The following BEND7 variants were observed in gnomAD, a reference collection of about 807,000 sequenced individuals.
BEND7 encodes the protein BEN domain-containing protein 7.
In BEND7, 28 loss-of-function variants were observed where a neutral mutation model predicts 50.9. That is an observed-to-expected ratio of 0.55 (90% confidence interval 0.41 to 0.75). The LOEUF is 0.75. Ranked by LOEUF, BEND7 falls within the 30% of genes least tolerant of loss-of-function variation. The pLI, the probability that BEND7 is intolerant of heterozygous loss-of-function variation, is 0.00. For synonymous variants in BEND7, 170 were observed against 183.9 expected (o/e 0.92, Z 0.61); for missense variants, 477 against 491.3 (o/e 0.97, Z 0.28).
At chr10:13,490,780 GC>G (rs1474484368) in intron 5 of BEND7, among the ~76,000 whole-genome samples, 1 of 152,092 alleles carries the variant, frequency 6.6e-6, no homozygotes, top group Non-Finnish European at 1.5e-5. Context: ...TGGGCCACTT[GC>G]CCAATCCTAT....
At chr10:13,526,054 C>T (rs376015293) in intron 2 of BEND7, 84 bp downstream of exon 2, 2 of 637,396 alleles carry the variant, frequency 3.1e-6, no homozygotes, top group East Asian at 7.3e-5. Context: ...AGACATTTCC[C>T]GTTCCTGAAC....
At chr10:13,465,829 T>C (rs2074190320) in intron 6 of BEND7, among the ~76,000 whole-genome samples, 1 of 152,096 alleles carries the variant, frequency 6.6e-6, no homozygotes, top group South Asian at 2.1e-4. Flanking sequence ...TGAAGAGTCT[T>C]GTTGAATCCC....
intron 5 of BEND7, among the ~76,000 whole-genome samples, chr10:13,485,181 A>G (rs977261192): frequency 6.6e-6 from 1 of 152,180 alleles, no homozygotes; most frequent in African/African-American, 2.4e-5. Flanking sequence ...AAGTAAGACA[A>G]TTTTTAGGAG....
chr10:13,439,839 G>A (rs1835114072), downstream of BEND7, among the ~76,000 whole-genome samples: 1 of 152,224 alleles, frequency 6.6e-6, no homozygotes, highest in South Asian at 2.1e-4. Context: ...GATGCTCCGC[G>A]GCTGCCCGCG....
At chr10:13,477,386 C>T (rs2075531198) in intron 6 of BEND7, among the ~76,000 whole-genome samples, 3 of 152,122 alleles carry the variant, frequency 2.0e-5, no homozygotes, top group African/African-American at 4.8e-5. Flanking sequence ...GTAATAATAG[C>T]AAGGATAGCC....
At chr10:13,464,506 G>A (rs1429427411) in intron 6 of BEND7, among the ~76,000 whole-genome samples, 2 of 152,150 alleles carry the variant, frequency 1.3e-5, no homozygotes, top group Non-Finnish European at 2.9e-5. Flanking sequence ...AAGAATGAAT[G>A]GGAAAGATAC....
chr10:13,452,543 G>A lies in BEND7; in HGVS notation c.1179C>T (p.Gly393=), dbSNP rs1308895980. The A allele has an allele frequency of 1.2e-6, 2 of 1,607,920 alleles. No individual in the cohort carries two copies. Among genetic ancestry groups the A allele is most frequent in the South Asian group, 2.2e-5 (2 of 89,400 alleles). ...IKLARRRLKR[G]SEIADSDERL... is the part of the protein sequence containing the mutation. ...TTTTCTGCACCTTAGTCATACCTGA[G>A]CCTCTTTTTAACCTTCTTCTGGCCA... Residue 393 remains glycine, a synonymous_variant, in exon 7 of 9, where the codon GGC becomes GGT. Coordinates refer to ENST00000466271, the MANE Select transcript of BEND7 (RefSeq NM_001369863.1).
intron 5 of BEND7, among the ~76,000 whole-genome samples, chr10:13,485,109 G>A (rs955182770): frequency 6.6e-6 from 1 of 151,986 alleles, no homozygotes; most frequent in African/African-American, 2.4e-5. Flanking sequence ...CCTCTGCCCC[G>A]TTAGGCTCCC....
intron 7 of BEND7, among the ~76,000 whole-genome samples, chr10:13,447,536 CTTTTT>C (rs11346528): frequency 1.2e-5 from 1 of 86,108 alleles, no homozygotes; most frequent in South Asian, 4.4e-4. Context: ...CGTATTAAAA[CTTTTT>C]TTTTTTTTTT....
At chr10:13,440,648 G>C (rs376096010), downstream of BEND7, among the ~76,000 whole-genome samples, 179 of 152,390 alleles carry the variant, frequency 1.2e-3, 5 homozygotes, top group South Asian at 0.03. Flanking sequence ...CCGGCGAGGA[G>C]TGGCGCCCTC....
chr10:13,514,278 G>A (rs546902623), intron 2 of BEND7, among the ~76,000 whole-genome samples: 1 of 152,142 alleles, frequency 6.6e-6, no homozygotes, highest in South Asian at 2.1e-4. Context: ...TAACAGATAT[G>A]ACGAGAAGAT....
chr10:13,447,236 G>T (rs1396546300), intron 8 of BEND7, 30 bp downstream of exon 8: 3 of 1,610,216 alleles, frequency 1.9e-6, no homozygotes, highest in South Asian at 1.1e-5. Flanking sequence ...TTTCCAGGAG[G>T]TGATGAAAAT....
chr10:13,452,971 G>A (rs977079978), intron 6 of BEND7, among the ~76,000 whole-genome samples: 3 of 152,174 alleles, frequency 2.0e-5, no homozygotes, highest in Non-Finnish European at 4.4e-5. Flanking sequence ...TGCTTCCTAA[G>A]GGTCTACTGA....
intron 2 of BEND7, among the ~76,000 whole-genome samples, chr10:13,508,453 G>A (rs1190361297): frequency 6.6e-6 from 1 of 152,168 alleles, no homozygotes; most frequent in Non-Finnish European, 1.5e-5. Context: ...GAACTCCAAG[G>A]GCTCCACACT....
intron 6 of BEND7, among the ~76,000 whole-genome samples, chr10:13,461,369 C>T (rs1191169517): frequency 1.3e-5 from 2 of 152,118 alleles, no homozygotes; most frequent in Non-Finnish European, 2.9e-5. Context: ...AGGGTCTACC[C>T]CCGAGTACAG....
In BEND7 at chr10:13,505,343, C is replaced by T. The variant is rs573903848; in HGVS notation, c.146-5263G>A. Among the ~76,000 whole-genome samples, 7 of 152,188 alleles carry T rather than the reference C, an allele frequency of 4.6e-5. No individual in the cohort carries two copies. In the East Asian group the frequency reaches 5.8e-4, roughly 13 times the overall value. ...TATGCCACAGTAACTCCCTCTCAGT[C>T]GCTGAGTGACCTCCTGCAACCCCTG... On this transcript the variant is annotated intron_variant, in intron 2 of 8. Coordinates refer to ENST00000466271, the MANE Select transcript of BEND7 (RefSeq NM_001369863.1).
intron 4 of BEND7, among the ~76,000 whole-genome samples, chr10:13,493,767 T>TA (rs1564359787): frequency 6.6e-6 from 1 of 152,210 alleles, no homozygotes; most frequent in Non-Finnish European, 1.5e-5. Context: ...TTGGAAAGTG[T>TA]AATTGGAAAA....
At chr10:13,527,410 T>G (rs1424282018) in intron 1 of BEND7, among the ~76,000 whole-genome samples, 1 of 152,234 alleles carries the variant, frequency 6.6e-6, no homozygotes, top group African/African-American at 2.4e-5. Flanking sequence ...CTAGCTTAGC[T>G]CAGTTTGAAA....
rs189633032 is a variant in BEND7, at chr10:13,518,151, A to C, written c.145+7987T>G. ...TCAATGATTTGGTCATGACCAGTGT[A>C]AGAAAAGTAAAAGACCACAATATAT... is the stretch of plus-strand genomic sequence containing the variant. On this transcript the variant is annotated intron_variant, in intron 2 of 8. Coordinates refer to ENST00000466271, the MANE Select transcript of BEND7 (RefSeq NM_001369863.1). Among the ~76,000 whole-genome samples the C allele has an allele frequency of 1.8e-3, 270 of 152,326 alleles. 6 individuals carry two copies. Among genetic ancestry groups the C allele is most frequent in the Non-Finnish European group, 2.9e-4 (20 of 68,020 alleles).
Sources: gnomAD v4.1 joint callset for allele counts (sites outside exome capture counted in the v4.1 genomes callset) on GRCh38, gnomAD v4.1.1 for gene constraint, MANE v1.5 for transcripts, NCBI Gene and HGNC (gene_info 2026-07-23, HGNC 2026-07-21) for gene names.